The following RANBP9 variants were observed in gnomAD, a reference collection of about 807,000 sequenced individuals.
RANBP9 encodes the protein ran-binding protein 9.
Under a neutral mutation model 84.3 loss-of-function variants are expected in RANBP9, and 15 were observed. The ratio of observed to expected loss-of-function variants is 0.18; its 90% CI spans 0.12 to 0.27. RANBP9 has a LOEUF of 0.27. Among genes scored for constraint, RANBP9 ranks in the 10% least tolerant of loss-of-function variants. The pLI, the probability that RANBP9 is intolerant of heterozygous loss-of-function variation, is 1.00. For missense variants in RANBP9, 809 were observed against 912.8 expected (o/e 0.89, Z 1.46); for synonymous variants, 392 against 349.6 (o/e 1.12, Z -1.35).
At chr6:13,625,577 A>C in intron 13 of RANBP9, 76 bp downstream of exon 13, 2 of 944,678 alleles carry the variant, frequency 2.1e-6, no homozygotes, top group Non-Finnish European at 3.3e-6. Context: ...ACCAAAGTGT[A>C]AATGCCAGTA....
At chr6:13,662,116 T>C (rs571017138) in intron 2 of RANBP9, among the ~76,000 whole-genome samples, 1 of 152,166 alleles carries the variant, frequency 6.6e-6, no homozygotes, top group Admixed American at 6.5e-5. Context: ...AAGAAAAGCA[T>C]GGACAAGGAA....
At chr6:13,650,509 C>G (rs1765272663) in intron 5 of RANBP9, among the ~76,000 whole-genome samples, 1 of 152,138 alleles carries the variant, frequency 6.6e-6, no homozygotes, top group Non-Finnish European at 1.5e-5. Flanking sequence ...AGGCAGCTGT[C>G]ATGACACAGC....
At chr6:13,676,726 T>C (rs752602943) in intron 2 of RANBP9, among the ~76,000 whole-genome samples, 3 of 151,728 alleles carry the variant, frequency 2.0e-5, no homozygotes, top group East Asian at 1.9e-4. Flanking sequence ...AAAAAAACAA[T>C]GTAATCAATC....
chr6:13,669,654 G>A (rs911206698), intron 2 of RANBP9, among the ~76,000 whole-genome samples: 1 of 152,166 alleles, frequency 6.6e-6, no homozygotes, highest in Non-Finnish European at 1.5e-5. Context: ...GCAGTGGCAT[G>A]ACCACAGCTT....
rs185416604 is a variant in RANBP9 at position 13,669,137 on chromosome 6, A to T, written c.684-10305T>A. 2.0e-3 allele frequency among the ~76,000 whole-genome samples: 118 copies of T among 60,336 alleles called. 1 individual carries two copies. In the East Asian group the frequency reaches 0.021, roughly 11 times the overall value. 39.6% of individuals were successfully genotyped at this position (60,336 alleles called of 152,430 possible). On this transcript the variant is annotated intron_variant, in intron 2 of 13. Transcript: ENST00000011619. ...AAAATACTTTCATTTGGAACAGAAT[A>T]AAAAAAAAGAATACTTAGGAATAAA...
At chr6:13,697,163 C>A (rs1757853264) in intron 1 of RANBP9, among the ~76,000 whole-genome samples, 1 of 151,988 alleles carries the variant, frequency 6.6e-6, no homozygotes. Flanking sequence ...GCCTTTTATG[C>A]AAATTAAATA....
At chr6:13,709,263 C>T (rs1758211560) in intron 1 of RANBP9, among the ~76,000 whole-genome samples, 1 of 152,140 alleles carries the variant, frequency 6.6e-6, no homozygotes, top group African/African-American at 2.4e-5. Flanking sequence ...ATTTCCTTAC[C>T]AATCGTCCAG....
chr6:13,637,721 T>G (rs1040273181), intron 10 of RANBP9, 87 bp downstream of exon 10: 7 of 1,325,262 alleles, frequency 5.3e-6, no homozygotes, highest in Non-Finnish European at 7.1e-6. Context: ...GTGGGTCACA[T>G]AATTCAAGTT....
At chr6:13,696,737 C>A in intron 2 of RANBP9, 48 bp downstream of exon 2, 1 of 1,494,986 alleles carries the variant, frequency 6.7e-7, no homozygotes, top group South Asian at 1.2e-5. Context: ...CATTATGAAC[C>A]AAAACAAAAA....
At chr6:13,634,364 T>G in intron 11 of RANBP9, 67 bp downstream of exon 11, 1 of 1,549,236 alleles carries the variant, frequency 6.5e-7, no homozygotes, top group Admixed American at 1.8e-5. Context: ...TGTGAATCAG[T>G]ACAAGTAAAA....
chr6:13,625,309 G>A (rs1764571171), intron 13 of RANBP9, among the ~76,000 whole-genome samples: 1 of 152,150 alleles, frequency 6.6e-6, no homozygotes, highest in African/African-American at 2.4e-5. Flanking sequence ...AATGTCTCTG[G>A]TAGGGTAGTA....
intron 5 of RANBP9, among the ~76,000 whole-genome samples, chr6:13,649,298 GA>G (rs1275146355): frequency 6.6e-6 from 1 of 151,940 alleles, no homozygotes; most frequent in Non-Finnish European, 1.5e-5. Flanking sequence ...TTGGCTACCT[GA>G]GGGAAAAAAC....
At chr6:13,675,403 T>A (rs1765866787) in intron 2 of RANBP9, among the ~76,000 whole-genome samples, 1 of 152,100 alleles carries the variant, frequency 6.6e-6, no homozygotes, top group African/African-American at 2.4e-5. Context: ...CATTTTAAAA[T>A]AACACATCAA....
chr6:13,695,125 G>A (rs1472299303), intron 2 of RANBP9, among the ~76,000 whole-genome samples: 2 of 152,172 alleles, frequency 1.3e-5, no homozygotes, highest in African/African-American at 2.4e-5. Flanking sequence ...GAGGGGTCCT[G>A]TTAAGAAGCT....
chr6:13,654,728 T>C (rs1388793837), intron 4 of RANBP9, among the ~76,000 whole-genome samples: 1 of 152,178 alleles, frequency 6.6e-6, no homozygotes, highest in Non-Finnish European at 1.5e-5. Context: ...TTTAAGTAGG[T>C]GTGGCTGGTT....
chr6:13,644,519 A>T, intron 6 of RANBP9, 26 bp downstream of exon 6: 7 of 1,593,812 alleles, frequency 4.4e-6, no homozygotes, highest in Non-Finnish European at 6.0e-6. Context: ...TCTGAATAGC[A>T]TCAATTGAAA....
chr6:13,660,181 T>C (rs1457556595), intron 2 of RANBP9, among the ~76,000 whole-genome samples: 3 of 152,180 alleles, frequency 2.0e-5, no homozygotes, highest in African/African-American at 4.8e-5. Flanking sequence ...TAAATGGATA[T>C]AGTTAACTTC....
At chr6:13,629,049 G>C (rs1764702220) in intron 12 of RANBP9, among the ~76,000 whole-genome samples, 1 of 152,224 alleles carries the variant, frequency 6.6e-6, no homozygotes, top group African/African-American at 2.4e-5. Context: ...AAAAGCAAAT[G>C]GAAAAATCCA....
At chr6:13,669,946 GGTT>G (rs1476130895) in intron 2 of RANBP9, among the ~76,000 whole-genome samples, 1 of 151,444 alleles carries the variant, frequency 6.6e-6, no homozygotes, top group African/African-American at 2.4e-5. Flanking sequence ...GGAAAGAACT[GGTT>G]TTTTTTTTTT....
Sources: gnomAD v4.1 joint callset for allele counts (sites outside exome capture counted in the v4.1 genomes callset) on GRCh38, gnomAD v4.1.1 for gene constraint, MANE v1.5 for transcripts, NCBI Gene and HGNC (gene_info 2026-07-23, HGNC 2026-07-21) for gene names.